UMAD1: variants seen among roughly 807,000 people sequenced by gnomAD.
UMAD1 encodes UBAP1-MVB12-associated (UMA)-domain containing protein 1.
UMAD1 carries 8 observed loss-of-function variants against 6.1 expected under a neutral mutation model. The ratio of observed to expected loss-of-function variants is 1.30; its 90% CI spans 0.76 to 2.35. The LOEUF (loss-of-function observed/expected upper bound fraction) is 2.35. UMAD1 is among the 30% of genes most tolerant of loss of function. The pLI is 0.00. For missense variants in UMAD1, 130 were observed against 78.4 expected (o/e 1.66, Z -2.49); for synonymous variants, 56 against 31.4 (o/e 1.78, Z -2.61).
At position 7,795,814 on chromosome 7, in the gene UMAD1, G is replaced by GAGGCC. The variant is rs1422375885; in HGVS notation, c.83-5854_83-5850dup. ...ATATAATGAACATTGAGGATGACCA[G>GAGGCC]AGGCCACTTTCATCACCATTTTGGT... On this transcript the variant is annotated intron_variant, in intron 2 of 3. Transcript: ENST00000682710. 2.0e-5 allele frequency among the ~76,000 whole-genome samples: 3 copies of GAGGCC among 152,166 alleles called. No homozygotes were observed. The East Asian group carries it at 5.8e-4, about 29-fold the overall frequency.
intron 2 of UMAD1, among the ~76,000 whole-genome samples, chr7:7,782,716 C>T (rs935251231): frequency 1.3e-5 from 2 of 148,922 alleles, no homozygotes; most frequent in Non-Finnish European, 3.0e-5. Context: ...AGCAGAATGT[C>T]TTGTGTATAA....
intron 3 of UMAD1, among the ~76,000 whole-genome samples, chr7:7,875,443 C>T (rs1036079922): frequency 1.3e-5 from 2 of 151,898 alleles, no homozygotes; most frequent in Admixed American, 6.6e-5. Context: ...GGACCATTAA[C>T]CAGACTAGTA....
chr7:7,853,635 A>G (rs1223048658), intron 3 of UMAD1, among the ~76,000 whole-genome samples: 1 of 152,166 alleles, frequency 6.6e-6, no homozygotes, highest in Non-Finnish European at 1.5e-5. Context: ...TAGAAATACA[A>G]CTGATTTTTG....
chr7:7,852,507 C>G (rs781124790), intron 3 of UMAD1, among the ~76,000 whole-genome samples: 1 of 152,202 alleles, frequency 6.6e-6, no homozygotes, highest in Non-Finnish European at 1.5e-5. Flanking sequence ...GGGGTTCCCA[C>G]AACCCTCTCT....
intron 1 of UMAD1, among the ~76,000 whole-genome samples, chr7:7,655,713 G>A (rs1403551340): frequency 1.3e-5 from 2 of 152,148 alleles, no homozygotes; most frequent in Non-Finnish European, 2.9e-5. Context: ...TTTAGGGGAC[G>A]AATGAAAAGA....
chr7:7,804,908 G>C (rs1167477837), intron 3 of UMAD1, among the ~76,000 whole-genome samples: 2 of 151,972 alleles, frequency 1.3e-5, no homozygotes, highest in Non-Finnish European at 2.9e-5. Context: ...TTGAACCTGG[G>C]AGGCGGGGGT....
chr7:7,694,902 T>A (rs920320587), intron 2 of UMAD1, among the ~76,000 whole-genome samples: 3 of 152,178 alleles, frequency 2.0e-5, no homozygotes, highest in Non-Finnish European at 4.4e-5. Context: ...GGGATACACC[T>A]AGCAGTGGGA....
intron 2 of UMAD1, among the ~76,000 whole-genome samples, chr7:7,789,289 C>T (rs935679098): frequency 6.6e-6 from 1 of 150,516 alleles, no homozygotes; most frequent in African/African-American, 2.5e-5. Flanking sequence ...AAACACATTT[C>T]CCTCGCATGA....
intron 3 of UMAD1, among the ~76,000 whole-genome samples, chr7:7,876,415 T>G (rs994621319): frequency 2.6e-5 from 4 of 152,044 alleles, no homozygotes; most frequent in Non-Finnish European, 5.9e-5. Flanking sequence ...AGATTGAGGG[T>G]CAAGGGGGGA....
intron 2 of UMAD1, among the ~76,000 whole-genome samples, chr7:7,740,386 G>C (rs1251084381): frequency 6.6e-6 from 1 of 152,180 alleles, no homozygotes; most frequent in Non-Finnish European, 1.5e-5. Flanking sequence ...AGATTACTTT[G>C]TCTATAAATC....
chr7:7,721,181 A>G (rs1185799038), intron 2 of UMAD1, among the ~76,000 whole-genome samples: 3 of 152,218 alleles, frequency 2.0e-5, no homozygotes, highest in Admixed American at 1.3e-4. Flanking sequence ...TTGATTGACG[A>G]TTTCTAGTCT....
intron 2 of UMAD1, among the ~76,000 whole-genome samples, chr7:7,725,591 C>T (rs1781124088): frequency 6.6e-6 from 1 of 152,190 alleles, no homozygotes; most frequent in Non-Finnish European, 1.5e-5. Context: ...ATCAAGTCAC[C>T]ATATGACCTG....
At chr7:7,664,265 T>A (rs1460945976) in intron 1 of UMAD1, among the ~76,000 whole-genome samples, 1 of 152,206 alleles carries the variant, frequency 6.6e-6, no homozygotes, top group Non-Finnish European at 1.5e-5. Context: ...ATCCCTTCTT[T>A]TCTCATTCAA....
intron 2 of UMAD1, among the ~76,000 whole-genome samples, chr7:7,796,280 T>C (rs1300335236): frequency 1.5e-5 from 2 of 133,414 alleles, no homozygotes. Context: ...AGATGGAGTT[T>C]CGCTCTTCTT....
intron 2 of UMAD1, among the ~76,000 whole-genome samples, chr7:7,724,918 C>T (rs1342956881): frequency 1.3e-5 from 2 of 152,180 alleles, no homozygotes; most frequent in Non-Finnish European, 1.5e-5. Flanking sequence ...AACTTGATTG[C>T]TTTTCACTTC....
At chr7:7,766,818 T>A (rs1196645272) in intron 2 of UMAD1, among the ~76,000 whole-genome samples, 5 of 152,226 alleles carry the variant, frequency 3.3e-5, no homozygotes, top group Non-Finnish European at 5.9e-5. Flanking sequence ...ATTCATTTAT[T>A]TTGAAATATT....
At chr7:7,871,067 G>A (rs1784323164) in intron 3 of UMAD1, among the ~76,000 whole-genome samples, 2 of 152,048 alleles carry the variant, frequency 1.3e-5, no homozygotes, top group Admixed American at 6.6e-5. Flanking sequence ...CACTGTCCAC[G>A]GTGTTTTTCC....
intron 3 of UMAD1, among the ~76,000 whole-genome samples, chr7:7,857,795 C>T (rs752384190): frequency 1.7e-4 from 26 of 152,202 alleles, no homozygotes; most frequent in African/African-American, 6.0e-4. Context: ...TTTTCCCCCT[C>T]CAAAAAAATG....
At chr7:7,676,165 G>C in intron 2 of UMAD1, 1 of 398,620 alleles carries the variant, frequency 2.5e-6, no homozygotes, top group Non-Finnish European at 4.4e-6. Context: ...CAGACCCTTT[G>C]GGTTGGCTTC....
Sources: allele counts gnomAD v4.1 joint callset (sites outside exome capture counted in the v4.1 genomes callset), GRCh38; gene constraint gnomAD v4.1.1; transcripts MANE v1.5; gene names NCBI Gene and HGNC (gene_info 2026-07-23, HGNC 2026-07-21).